The following PACC1 variants were observed in gnomAD, a reference collection of about 807,000 sequenced individuals.
PACC1 encodes proton activated chloride channel 1.
In PACC1, 34 loss-of-function variants were observed where a neutral mutation model predicts 39.7. The ratio of observed to expected loss-of-function variants is 0.86; its 90% CI spans 0.65 to 1.14. PACC1 has a LOEUF of 1.14. Ranked by LOEUF, PACC1 falls within the 50% of genes most tolerant of loss-of-function variation. PACC1 has a pLI of 0.00. For missense variants in PACC1, 379 were observed against 436.4 expected, an observed-to-expected ratio of 0.87 and a Z score of 1.17; for synonymous variants, 127 against 160.6, an observed-to-expected ratio of 0.79 and a Z score of 1.58.
chr1:212,411,744 C>T (rs1395233087), intron 1 of PACC1, among the ~76,000 whole-genome samples: 1 of 152,170 alleles, frequency 6.6e-6, no homozygotes, highest in Non-Finnish European at 1.5e-5. Flanking sequence ...TGAAAAACAT[C>T]TCTTACGAAT....
intron 7 of PACC1, among the ~76,000 whole-genome samples, chr1:212,368,414 G>C (rs1660321142): frequency 6.6e-6 from 1 of 152,114 alleles, no homozygotes; most frequent in Admixed American, 6.5e-5. Flanking sequence ...ATCCGGGAGA[G>C]AGAGATGTGT....
rs147556050 is a variant in PACC1, at chr1:212,410,438, C to T, written c.120G>A (p.Pro40=). 78 of 1,614,116 alleles carry T rather than the reference C, an allele frequency of 4.8e-5. No homozygotes were observed. The Admixed American group carries it at 5.8e-4, about 12-fold the overall frequency. ...AAACGCACTCACCTGGTAAGATACC[C>T]GGACCTTGGACTCTGACCGTCTCCT... ...QDKETVRVQG[P]GILPGLDSES... The change falls in exon 2 of 8, where the codon CCG becomes CCA. Residue 40 remains proline, a synonymous_variant. Transcript: ENST00000261455.
intron 1 of PACC1, chr1:212,414,114 G>A (rs1319766813): frequency 1.3e-6 from 2 of 1,498,146 alleles, no homozygotes; most frequent in East Asian, 4.9e-5. Flanking sequence ...ACAAAGAACT[G>A]GAAAGTGATA....
chr1:212,370,885 C>A (rs1245043764), intron 7 of PACC1, among the ~76,000 whole-genome samples: 3 of 152,092 alleles, frequency 2.0e-5, no homozygotes, highest in African/African-American at 7.2e-5. Flanking sequence ...GAGAAAAGAA[C>A]AAACCCAAAT....
At chr1:212,373,830 C>T (rs920176088) in intron 7 of PACC1, among the ~76,000 whole-genome samples, 13 of 152,016 alleles carry the variant, frequency 8.6e-5, no homozygotes, top group Non-Finnish European at 1.3e-4. Flanking sequence ...GTTAAAATGA[C>T]CACTATCAAA....
intron 7 of PACC1, among the ~76,000 whole-genome samples, chr1:212,368,210 G>A (rs1353891979): frequency 6.6e-6 from 1 of 152,162 alleles, no homozygotes; most frequent in Admixed American, 6.5e-5. Flanking sequence ...CTGACTACAC[G>A]CTTAGGGAAC....
intron 2 of PACC1, among the ~76,000 whole-genome samples, chr1:212,389,620 T>C (rs1661233986): frequency 6.6e-6 from 1 of 152,032 alleles, no homozygotes; most frequent in South Asian, 2.1e-4. Context: ...GTGTTGCAAT[T>C]TAGCAGAGAG....
intron 2 of PACC1, among the ~76,000 whole-genome samples, chr1:212,409,268 G>A (rs1486316578): frequency 6.6e-6 from 1 of 152,100 alleles, no homozygotes; most frequent in Non-Finnish European, 1.5e-5. Context: ...AGCAATAGCC[G>A]GAAAGGAGAG....
chr1:212,385,497 C>A, intron 3 of PACC1, 72 bp from the exon 4 acceptor site: 3 of 1,528,052 alleles, frequency 2.0e-6, no homozygotes, highest in Non-Finnish European at 2.7e-6. Flanking sequence ...TCATCTCACA[C>A]CTACCAACAA....
At chr1:212,394,526 A>T (rs1661442053) in intron 2 of PACC1, among the ~76,000 whole-genome samples, 1 of 152,200 alleles carries the variant, frequency 6.6e-6, no homozygotes, top group African/African-American at 2.4e-5. Flanking sequence ...AAACTGGCAC[A>T]AGACAGGGAT....
chr1:212,414,553 C>A (rs1662260643), intron 1 of PACC1, among the ~76,000 whole-genome samples, 169 bp downstream of exon 1: 1 of 152,214 alleles, frequency 6.6e-6, no homozygotes, highest in South Asian at 2.1e-4. Context: ...CCTTCCTGCC[C>A]CTGGGCCGCT....
At position 212,379,796 on chromosome 1, in the gene PACC1, T is replaced by A. The variant is rs1452465680; in HGVS notation, c.638+99A>T. ...GGGTCATCTGAGAATGCCCCTTCCC[T>A]TCCCTGCCCTCACCCCTCCGTCTCT... On this transcript the variant is annotated intron_variant, in intron 5 of 7. Transcript: ENST00000261455. 2.0e-6 allele frequency: 3 copies of A among 1,478,456 alleles called. No homozygotes were observed. In the East Asian group the frequency reaches 6.8e-5, roughly 34 times the overall value. 91.6% of individuals were successfully genotyped at this position (1,478,456 alleles called of 1,614,324 possible). A position where few individuals can be genotyped will look rare whatever the true frequency, so the allele number is the denominator to read the frequency against.
chr1:212,410,721 G>A (rs112902708), intron 1 of PACC1, among the ~76,000 whole-genome samples, 200 bp from the exon 2 acceptor site: 1,552 of 152,266 alleles, frequency 0.01, 35 homozygotes, highest in African/African-American at 0.035. Flanking sequence ...TGTGTTCCTA[G>A]GACTACTGTA....
At chr1:212,373,559 C>A (rs1048383901) in intron 7 of PACC1, among the ~76,000 whole-genome samples, 1 of 152,130 alleles carries the variant, frequency 6.6e-6, no homozygotes, top group Admixed American at 6.6e-5. Flanking sequence ...AGTTAAGAGA[C>A]AACCTACAGA....
intron 7 of PACC1, among the ~76,000 whole-genome samples, chr1:212,373,183 G>C (rs1272850098): frequency 6.6e-6 from 1 of 152,066 alleles, no homozygotes; most frequent in Non-Finnish European, 1.5e-5. Context: ...ACAGAACAGA[G>C]AATCTAGAAA....
chr1:212,385,627 C>T (rs1461857397), intron 3 of PACC1, among the ~76,000 whole-genome samples: 1 of 152,120 alleles, frequency 6.6e-6, no homozygotes, highest in East Asian at 1.9e-4. Flanking sequence ...ACAAGCCCCT[C>T]CTCAGTAAGC....
chr1:212,410,837 T>C (rs60269152), intron 1 of PACC1, among the ~76,000 whole-genome samples: 1,984 of 152,340 alleles, frequency 0.013, 42 homozygotes, highest in African/African-American at 0.045. Context: ...GGCTCCTTCT[T>C]CTACGAGTGG....
chr1:212,369,331 C>T (rs914856114), intron 7 of PACC1, among the ~76,000 whole-genome samples: 1 of 152,046 alleles, frequency 6.6e-6, no homozygotes, highest in Non-Finnish European at 1.5e-5. Flanking sequence ...AAACAAAAAA[C>T]GAAATAGCCG....
At position 212,406,232 on chromosome 1, in the gene PACC1, A is replaced by G. The variant is rs550017846; in HGVS notation, c.133+4193T>C. On this transcript the variant is annotated intron_variant, in intron 2 of 7. Transcript: ENST00000261455. ...TTATTATTATTATTAGAAGACTCAA[A>G]GGGGCCAAGCATGGTGGCTCACGCC... Among the ~76,000 whole-genome samples the G allele has an allele frequency of 2.0e-5, 3 of 151,586 alleles. No individual in the cohort carries two copies. In the East Asian group the frequency reaches 5.8e-4, roughly 29 times the overall value.
Sources: allele counts gnomAD v4.1 joint callset (sites outside exome capture counted in the v4.1 genomes callset), GRCh38; gene constraint gnomAD v4.1.1; transcripts MANE v1.5; gene names NCBI Gene and HGNC (gene_info 2026-07-23, HGNC 2026-07-21).